NUDCD1: variants seen among roughly 807,000 people sequenced by gnomAD.
The protein encoded by NUDCD1 is nudC domain-containing protein 1.
NUDCD1 carries 60 observed loss-of-function variants against 67.8 expected under a neutral mutation model. The ratio of observed to expected loss-of-function variants is 0.88; its 90% CI spans 0.72 to 1.10. NUDCD1 has a LOEUF of 1.10. Ranked by LOEUF, NUDCD1 falls within the 50% of genes least tolerant of loss-of-function variation. NUDCD1 has a pLI of 0.00. For missense variants in NUDCD1, 643 were observed against 695.0 expected (o/e 0.93, Z 0.84); for synonymous variants, 244 against 230.8 (o/e 1.06, Z -0.52).
chr8:109,303,459 G>A (rs1424304814), intron 2 of NUDCD1, among the ~76,000 whole-genome samples: 2 of 152,018 alleles, frequency 1.3e-5, no homozygotes, highest in African/African-American at 2.4e-5. Flanking sequence ...GAGTATTGAC[G>A]GCCAGGCTTC....
At chr8:109,280,945 A>T in intron 6 of NUDCD1, 23 bp downstream of exon 6, 1 of 1,107,304 alleles carries the variant, frequency 9.0e-7, no homozygotes, top group Non-Finnish European at 1.2e-6. Context: ...ATAGAATATT[A>T]AAGTAAAATT....
chr8:109,243,426 C>G, intron 9 of NUDCD1, 125 bp from the exon 10 acceptor site: 1 of 682,832 alleles, frequency 1.5e-6, no homozygotes, highest in Non-Finnish European at 2.4e-6. Context: ...AAAATATATA[C>G]CATAAGGTAT....
At chr8:109,256,269 T>G (rs1162339549) in intron 8 of NUDCD1, among the ~76,000 whole-genome samples, 1 of 152,164 alleles carries the variant, frequency 6.6e-6, no homozygotes, top group Non-Finnish European at 1.5e-5. Context: ...TAATCAGGAC[T>G]GGATGGCAGT....
chr8:109,280,725 T>C (rs1814415065), intron 6 of NUDCD1, among the ~76,000 whole-genome samples: 1 of 152,234 alleles, frequency 6.6e-6, no homozygotes, highest in Non-Finnish European at 1.5e-5. Context: ...ATTATTATTG[T>C]ATCCAGAGCT....
chr8:109,272,768 C>T (rs1341200431), intron 7 of NUDCD1, among the ~76,000 whole-genome samples: 1 of 151,966 alleles, frequency 6.6e-6, no homozygotes, highest in Non-Finnish European at 1.5e-5. Context: ...TGTCCATGTC[C>T]CAGCTGGGAT....
At chr8:109,266,164 T>C (rs1032657662) in intron 8 of NUDCD1, among the ~76,000 whole-genome samples, 60 of 151,768 alleles carry the variant, frequency 4.0e-4, no homozygotes, top group Non-Finnish European at 7.5e-4. Flanking sequence ...TAACATTTTA[T>C]TAAATGAAAC....
At chr8:109,309,986 C>T (rs911728438) in intron 2 of NUDCD1, among the ~76,000 whole-genome samples, 2 of 151,930 alleles carry the variant, frequency 1.3e-5, no homozygotes, top group Non-Finnish European at 2.9e-5. Context: ...ACAGATTACA[C>T]AAATGTAAAC....
At chr8:109,271,312 T>C (rs956333578) in intron 7 of NUDCD1, among the ~76,000 whole-genome samples, 182 bp from the exon 8 acceptor site, 5 of 151,868 alleles carry the variant, frequency 3.3e-5, no homozygotes, top group African/African-American at 1.2e-4. Flanking sequence ...GAAAAGGATA[T>C]GAAAACAGGT....
intron 1 of NUDCD1, among the ~76,000 whole-genome samples, chr8:109,332,644 T>C (rs990410891): frequency 6.6e-6 from 1 of 152,188 alleles, no homozygotes; most frequent in Non-Finnish European, 1.5e-5. Flanking sequence ...AGCTGACCCG[T>C]AGACTTGTGA....
intron 1 of NUDCD1, among the ~76,000 whole-genome samples, chr8:109,324,782 T>A (rs1397771573): frequency 6.6e-6 from 1 of 152,124 alleles, no homozygotes; most frequent in Admixed American, 6.5e-5. Flanking sequence ...TGGAGGTCAT[T>A]AAGTGAAATA....
Position 109,334,082 on chromosome 8 carries a change from G to C in NUDCD1, c.-72C>G. Reference sequence around the variant, plus strand: ...AGGTCCGCGCTTCACGCCTCGCACAGAGACTGGGAAGCGGCGTGGTTCCCA... The same window carrying C: ...AGGTCCGCGCTTCACGCCTCGCACACAGACTGGGAAGCGGCGTGGTTCCCA... On this transcript the variant is annotated 5_prime_UTR_variant, in exon 1 of 10. Coordinates refer to ENST00000239690, the MANE Select transcript of NUDCD1 (RefSeq NM_032869.4). 1.9e-6 allele frequency: 3 copies of C among 1,600,530 alleles called. No homozygotes were observed. The highest frequency in any genetic ancestry group is 1.7e-5 in the Admixed American group (1 of 58,196).
chr8:109,296,555 TC>T lies in NUDCD1; in HGVS notation c.287del (p.Gly96GlufsTer13). On this transcript the variant is annotated frameshift_variant, in exon 3 of 10. Coordinates refer to ENST00000239690, the MANE Select transcript of NUDCD1 (RefSeq NM_032869.4). LOFTEE classifies it high-confidence loss of function. ...GAAGTCGAAACACCTCTCGTGGTTT[TC>T]CTAAGGCAGTGTCCTAAAAAGACCA... Reference protein sequence around the residue: ...NLTVMLDTALGKPREVFRLPT... With the variant: ...NLTVMLDTALXKPREVFRLPT... 2 of 1,605,642 alleles carry T rather than the reference TC, an allele frequency of 1.2e-6. No individual in the cohort carries two copies. The highest frequency in any genetic ancestry group is 1.7e-4 in the Middle Eastern group (1 of 6,028).
intron 2 of NUDCD1, among the ~76,000 whole-genome samples, chr8:109,305,173 C>A (rs1586295367): frequency 6.6e-6 from 1 of 152,254 alleles, no homozygotes; most frequent in African/African-American, 2.4e-5. Context: ...TGTCTCTGCC[C>A]CGGACTGGCA....
At chr8:109,268,603 G>A (rs547440754) in intron 8 of NUDCD1, among the ~76,000 whole-genome samples, 3 of 152,114 alleles carry the variant, frequency 2.0e-5, no homozygotes, top group East Asian at 1.9e-4. Flanking sequence ...GGGAAGCTAC[G>A]TTTAAACCAC....
chr8:109,286,304 T>C (rs567029719), intron 5 of NUDCD1, among the ~76,000 whole-genome samples: 192 of 152,234 alleles, frequency 1.3e-3, no homozygotes, highest in Non-Finnish European at 2.3e-3. Context: ...GAAAACACTA[T>C]TCTAAAATTC....
Position 109,280,966 on chromosome 8 carries a change from A to G in NUDCD1, c.1028+2T>C, listed in dbSNP as rs1814422075. The G allele has an allele frequency of 3.5e-6, 5 of 1,412,352 alleles. No homozygotes were observed. The highest frequency in any genetic ancestry group is 3.9e-6 in the Non-Finnish European group (4 of 1,030,266). The allele number at this position is 1,412,352 out of a possible 1,614,324, so 87.5% of individuals were successfully genotyped here. ...TATTAAAGTAAAATTAAAAAAAAAT[A>G]CCTATTACTCTCTTTAATTATCCAT... On this transcript the variant is annotated splice_donor_variant, in intron 6 of 9. Transcript: ENST00000239690. LOFTEE classifies it high-confidence loss of function.
intron 2 of NUDCD1, among the ~76,000 whole-genome samples, chr8:109,305,139 C>T (rs960590876): frequency 6.6e-6 from 1 of 152,168 alleles, no homozygotes; most frequent in African/African-American, 2.4e-5. Flanking sequence ...CCCCTCCCTT[C>T]CCTACACATC....
intron 4 of NUDCD1, among the ~76,000 whole-genome samples, chr8:109,291,210 C>A (rs941247287): frequency 5.3e-5 from 8 of 152,160 alleles, no homozygotes; most frequent in African/African-American, 1.9e-4. Context: ...AAGCTAAATG[C>A]AGTGGCACGA....
intron 2 of NUDCD1, among the ~76,000 whole-genome samples, chr8:109,304,632 G>T (rs1815062609): frequency 6.6e-6 from 1 of 152,092 alleles, no homozygotes; most frequent in Non-Finnish European, 1.5e-5. Context: ...GCTGAAAGAG[G>T]GTTCCTCTCT....
Sources: allele counts gnomAD v4.1 joint callset (sites outside exome capture counted in the v4.1 genomes callset), GRCh38; gene constraint gnomAD v4.1.1; transcripts MANE v1.5; gene names NCBI Gene and HGNC (gene_info 2026-07-23, HGNC 2026-07-21).